CPEB1: variants seen among roughly 807,000 people sequenced by gnomAD.
CPEB1 encodes the protein cytoplasmic polyadenylation element-binding protein 1.
In CPEB1, 7 loss-of-function variants were observed where a neutral mutation model predicts 65.8. The ratio of observed to expected loss-of-function variants is 0.11; its 90% CI spans 0.06 to 0.20. The LOEUF (loss-of-function observed/expected upper bound fraction) is 0.20, where lower values mean the gene tolerates loss of function less well. Among genes scored for constraint, CPEB1 ranks in the 10% least tolerant of loss-of-function variants. CPEB1 has a pLI of 1.00. For missense variants in CPEB1, 551 were observed against 712.2 expected, an observed-to-expected ratio of 0.77 and a Z score of 2.58; for synonymous variants, 262 against 260.0, an observed-to-expected ratio of 1.01 and a Z score of -0.08.
At chr15:82,632,347 T>C (rs1375416138) in intron 1 of CPEB1, among the ~76,000 whole-genome samples, 3 of 152,176 alleles carry the variant, frequency 2.0e-5, no homozygotes, top group African/African-American at 4.8e-5. Context: ...ACAATATTTT[T>C]AGTAATTCTG....
intron 4 of CPEB1, among the ~76,000 whole-genome samples, chr15:82,568,849 G>A (rs1035681249): frequency 6.6e-6 from 1 of 152,098 alleles, no homozygotes; most frequent in Non-Finnish European, 1.5e-5. Flanking sequence ...ACGAATGCTC[G>A]ACGTTTGCCA....
At chr15:82,644,308 C>T (rs1453694985) in intron 1 of CPEB1, among the ~76,000 whole-genome samples, 1 of 152,190 alleles carries the variant, frequency 6.6e-6, no homozygotes, top group African/African-American at 2.4e-5. Context: ...CCACCAATAA[C>T]CCCTTGATCC....
chr15:82,571,629 C>A, intron 3 of CPEB1, 97 bp from the exon 4 acceptor site: 1 of 1,483,106 alleles, frequency 6.7e-7, no homozygotes. Context: ...TTTCCCCAGG[C>A]TCACAGGCCA....
intron 10 of CPEB1, 121 bp downstream of exon 10, chr15:82,549,339 G>A: frequency 2.2e-6 from 2 of 889,706 alleles, no homozygotes; most frequent in Non-Finnish European, 3.6e-6. Flanking sequence ...TATGGTGCTG[G>A]TATATGCTGA....
At position 82,571,810 on chromosome 15, in the gene CPEB1, G is replaced by A. The variant is rs1271007598; in HGVS notation, c.272-278C>T. 2.4e-6 allele frequency: 3 copies of A among 1,239,756 alleles called. No homozygotes were observed. The East Asian group carries it at 1.1e-4, about 47-fold the overall frequency. 76.8% of individuals were successfully genotyped at this position (1,239,756 alleles called of 1,614,324 possible). Reference sequence around the variant, plus strand: ...GCTGCTGATGCTTCCCGCTGCCAGTGACATCAGCCGGCTGAGCCGTGCAAT... The same window carrying A: ...GCTGCTGATGCTTCCCGCTGCCAGTAACATCAGCCGGCTGAGCCGTGCAAT... On this transcript the variant is annotated intron_variant, in intron 3 of 12. Coordinates refer to ENST00000684509, the MANE Select transcript of CPEB1 (RefSeq NM_001365242.1).
Position 82,553,552 on chromosome 15 carries a change from T to A in CPEB1, c.1059A>T (p.Gly353=). The change falls in exon 8 of 13, where the codon GGA becomes GGT. Residue 353 remains glycine (G), a synonymous_variant. Coordinates refer to ENST00000684509, the MANE Select transcript of CPEB1 (RefSeq NM_001365242.1). ...CAAAAACACGGAAGGTGTTAACTAA[T>A]CCAGCTGCAAAGAGACAGAAAAGAA... ...GGVPWDITEA[G]LVNTFRVFGS... 6.2e-7 allele frequency: 1 copy of A among 1,610,510 alleles called. No homozygotes were observed. Among genetic ancestry groups the A allele is most frequent in the South Asian group, 1.1e-5 (1 of 90,650 alleles).
intron 3 of CPEB1, among the ~76,000 whole-genome samples, chr15:82,574,488 C>T (rs1269656003): frequency 1.3e-5 from 2 of 152,042 alleles, no homozygotes; most frequent in Non-Finnish European, 2.9e-5. Context: ...GAGGCTGAGG[C>T]AGGCAGATCG....
At chr15:82,620,964 T>C (rs1179268390) in intron 3 of CPEB1, among the ~76,000 whole-genome samples, 1 of 152,248 alleles carries the variant, frequency 6.6e-6, no homozygotes, top group African/African-American at 2.4e-5. Flanking sequence ...CTCATACTTT[T>C]CTGTAAGTTA....
At chr15:82,609,965 CG>C (rs1191041913) in intron 3 of CPEB1, among the ~76,000 whole-genome samples, 5 of 149,008 alleles carry the variant, frequency 3.4e-5, no homozygotes, top group Non-Finnish European at 7.4e-5. Context: ...GAGGCTGAGG[CG>C]GGAGAATCGC....
intron 3 of CPEB1, among the ~76,000 whole-genome samples, chr15:82,625,992 T>G (rs908204124): frequency 2.0e-5 from 3 of 150,558 alleles, no homozygotes; most frequent in African/African-American, 4.9e-5. Context: ...TGGTGGCGGG[T>G]GCCTGTAATC....
At chr15:82,590,229 A>C (rs943257362) in intron 3 of CPEB1, among the ~76,000 whole-genome samples, 19 of 151,302 alleles carry the variant, frequency 1.3e-4, no homozygotes, top group South Asian at 2.1e-4. Context: ...AAAAAAAAAA[A>C]AAAAAAAAAA....
intron 3 of CPEB1, among the ~76,000 whole-genome samples, chr15:82,593,178 CTTCCT>C (rs2042399510): frequency 6.6e-6 from 1 of 152,166 alleles, no homozygotes; most frequent in South Asian, 2.1e-4. Flanking sequence ...TAGTTCGATT[CTTCCT>C]TTCATGAAAG....
chr15:82,587,543 G>C (rs2041899142), intron 3 of CPEB1, among the ~76,000 whole-genome samples: 1 of 152,188 alleles, frequency 6.6e-6, no homozygotes, highest in Non-Finnish European at 1.5e-5. Flanking sequence ...GCTGCATGAA[G>C]ATATTCAGAA....
intron 3 of CPEB1, among the ~76,000 whole-genome samples, chr15:82,606,972 A>T (rs1338224460): frequency 6.6e-6 from 1 of 152,112 alleles, no homozygotes; most frequent in African/African-American, 2.4e-5. Flanking sequence ...GTCTCTTTAA[A>T]AAAAACAAGA....
intron 1 of CPEB1, among the ~76,000 whole-genome samples, chr15:82,637,412 C>T (rs1276450317): frequency 6.6e-6 from 1 of 152,178 alleles, no homozygotes; most frequent in Non-Finnish European, 1.5e-5. Flanking sequence ...ATACCTGCCA[C>T]AGCTCTCACA....
chr15:82,648,004 C>G (rs1046624246), upstream of CPEB1: 12 of 665,040 alleles, frequency 1.8e-5, no homozygotes, highest in Middle Eastern at 4.5e-4. Flanking sequence ...GAAGCTCCTA[C>G]GAGCCGCTCC....
chr15:82,578,411 G>A (rs896861987), intron 3 of CPEB1, among the ~76,000 whole-genome samples: 1 of 152,150 alleles, frequency 6.6e-6, no homozygotes, highest in African/African-American at 2.4e-5. Flanking sequence ...CTTATTTTAT[G>A]TGAACAAGTT....
chr15:82,610,674 C>G (rs1271551586), intron 3 of CPEB1, among the ~76,000 whole-genome samples: 1 of 151,918 alleles, frequency 6.6e-6, no homozygotes, highest in Non-Finnish European at 1.5e-5. Context: ...AAAACATCCT[C>G]AGGCCGGGCC....
At chr15:82,604,970 A>C (rs1160598433) in intron 3 of CPEB1, among the ~76,000 whole-genome samples, 1 of 152,254 alleles carries the variant, frequency 6.6e-6, no homozygotes, top group African/African-American at 2.4e-5. Context: ...AAAGCCGGAG[A>C]CATAGAAAGG....
Sources: gnomAD v4.1 joint callset for allele counts (sites outside exome capture counted in the v4.1 genomes callset) on GRCh38, gnomAD v4.1.1 for gene constraint, MANE v1.5 for transcripts, NCBI Gene and HGNC (gene_info 2026-07-23, HGNC 2026-07-21) for gene names.